Variants in USP42 observed in about 807,000 individuals in gnomAD.
USP42 encodes ubiquitin carboxyl-terminal hydrolase 42.
Under a neutral mutation model 113.0 loss-of-function variants are expected in USP42, and 23 were observed. The observed-to-expected ratio is 0.20, with a 90% confidence interval of 0.15 to 0.29. The LOEUF (loss-of-function observed/expected upper bound fraction) is 0.29. Ranked by LOEUF, USP42 falls within the 10% of genes least tolerant of loss-of-function variation. The pLI, the probability that USP42 is intolerant of heterozygous loss-of-function variation, is 1.00. For missense variants in USP42, 2,174 were observed against 1,779.8 expected (o/e 1.22, Z -3.99); for synonymous variants, 933 against 699.0 (o/e 1.33, Z -5.28).
At chr7:6,138,358 G>A (rs1781260089) in intron 4 of USP42, among the ~76,000 whole-genome samples, 1 of 152,166 alleles carries the variant, frequency 6.6e-6, no homozygotes, top group African/African-American at 2.4e-5. Context: ...GTAGGTCATT[G>A]GGATAGAATT....
intron 9 of USP42, 116 bp downstream of exon 9, chr7:6,144,312 C>G: frequency 3.0e-6 from 2 of 661,100 alleles, no homozygotes; most frequent in East Asian, 3.3e-5. Context: ...CTAACTATTA[C>G]CTACATTTGG....
intron 2 of USP42, among the ~76,000 whole-genome samples, chr7:6,113,769 CT>C (rs1779730735): frequency 6.6e-6 from 1 of 152,164 alleles, no homozygotes; most frequent in South Asian, 2.1e-4. Flanking sequence ...CTACAGGTGC[CT>C]GCCACCACAC....
rs749484476 is a variant in USP42, at chr7:6,149,908, C to T, written c.1712C>T (p.Thr571Met). Residue 571 changes from threonine (T) to methionine (M), a missense_variant, in exon 13 of 18, where the codon ACG becomes ATG. Physicochemically the swap from Thr to Met is moderately conservative, Grantham distance 81. Transcript: ENST00000306177. Reference sequence around the variant, plus strand: ...GTACAGTCTACCTCGAACGCATCTACGATGTCAGTTTCTAGTAAAGTAACA... The same window carrying T: ...GTACAGTCTACCTCGAACGCATCTATGATGTCAGTTTCTAGTAAAGTAACA... ...SAVQSTSNAS[T>M]MSVSSKVTKP... 1.1e-5 allele frequency: 18 copies of T among 1,613,916 alleles called. No individual in the cohort carries two copies. Among genetic ancestry groups the T allele is most frequent in the Non-Finnish European group, 1.4e-5 (16 of 1,179,904 alleles).
At chr7:6,147,135 C>T (rs1347273495) in intron 11 of USP42, among the ~76,000 whole-genome samples, 2 of 151,858 alleles carry the variant, frequency 1.3e-5, no homozygotes, top group Non-Finnish European at 2.9e-5. Flanking sequence ...CATTGGATTT[C>T]GGCAGTTGGG....
intron 3 of USP42, among the ~76,000 whole-genome samples, chr7:6,123,106 C>G (rs932703004): frequency 6.6e-6 from 1 of 152,040 alleles, no homozygotes; most frequent in African/African-American, 2.4e-5. Context: ...GATTATAGGT[C>G]TGAGCCACTG....
rs1465234390 is a variant in USP42 at position 6,105,006 on chromosome 7, G to C, written c.-36G>C. ...GGCGGCGGCGGCGGCGGCCGAGGGGGATGGAGCGAGCGCCGAGCCGGGTCA... is the reference window on the plus strand; with the variant it reads ...GGCGGCGGCGGCGGCGGCCGAGGGGCATGGAGCGAGCGCCGAGCCGGGTCA... On this transcript the variant is annotated 5_prime_UTR_variant, in exon 1 of 18. Coordinates refer to ENST00000306177, the MANE Select transcript of USP42 (RefSeq NM_032172.3). 1 of 154,432 alleles carries C rather than the reference G, an allele frequency of 6.5e-6. No individual in the cohort carries two copies. Among genetic ancestry groups the C allele is most frequent in the Non-Finnish European group, 1.4e-5 (1 of 71,160 alleles). 9.6% of individuals were successfully genotyped at this position (154,432 alleles called of 1,614,324 possible).
chr7:6,160,338 C>T (rs377566217), intron 17 of USP42, among the ~76,000 whole-genome samples: 15 of 152,206 alleles, frequency 9.9e-5, no homozygotes, highest in African/African-American at 2.6e-4. Context: ...GCATCTGGGG[C>T]GGGTGGTGGC....
chr7:6,116,158 G>A, intron 3 of USP42, among the ~76,000 whole-genome samples: 1 of 149,296 alleles, frequency 6.7e-6, no homozygotes, highest in South Asian at 2.1e-4. Flanking sequence ...GCGAGGTTAA[G>A]AAATCCTGCC....
intron 7 of USP42, among the ~76,000 whole-genome samples, chr7:6,142,514 C>G (rs1053373559): frequency 2.6e-5 from 4 of 152,154 alleles, no homozygotes; most frequent in African/African-American, 9.7e-5. Context: ...CCACGCCCGC[C>G]CGGAAAATTT....
rs772338459 is a variant in USP42, at chr7:6,134,981, G to A, written c.443-860G>A. On this transcript the variant is annotated intron_variant, in intron 3 of 17. Coordinates refer to ENST00000306177, the MANE Select transcript of USP42 (RefSeq NM_032172.3). ...TTCTTTTTATTTTTTGTAGAGACAG[G>A]GTTTGACCATGTTGCCCAGGCTAGT... Among the ~76,000 whole-genome samples the A allele has an allele frequency of 4.6e-5, 7 of 152,018 alleles. No individual in the cohort carries two copies. In the South Asian group the frequency reaches 8.3e-4, roughly 18 times the overall value.
At chr7:6,096,858 C>T in the USP42 span, among the ~76,000 whole-genome samples, 8 of 151,202 alleles carry the variant, frequency 5.3e-5, no homozygotes, top group African/African-American at 2.0e-4. Context: ...TCATGCCCAC[C>T]TTCTGCTGCG....
At position 6,139,222 on chromosome 7, in the gene USP42, C is replaced by G. The variant is rs529294906; in HGVS notation, c.656+28C>G. 364 of 1,485,518 alleles carry G rather than the reference C, an allele frequency of 2.5e-4. 4 individuals carry two copies. The South Asian group carries it at 4.0e-3, about 16-fold the overall frequency. 92.0% of individuals were successfully genotyped at this position (1,485,518 alleles called of 1,614,324 possible). A position where few individuals can be genotyped will look rare whatever the true frequency, so the allele number is the denominator to read the frequency against. On this transcript the variant is annotated intron_variant, in intron 5 of 17. Coordinates refer to ENST00000306177, the MANE Select transcript of USP42 (RefSeq NM_032172.3). The surrounding 1 kb of genome is among the most constrained non-coding windows in gnomAD (Gnocchi z 4.5). ...AAGTACAACAGAGCGCCAGCCATGT[C>G]TTCATTGGGGATCTCTGGTTGTAGT...
At chr7:6,114,239 A>C (rs983928824) in intron 2 of USP42, among the ~76,000 whole-genome samples, 9 of 152,148 alleles carry the variant, frequency 5.9e-5, no homozygotes, top group Non-Finnish European at 1.2e-4. Flanking sequence ...CCTACATGAG[A>C]TGGTAAGGAC....
intron 3 of USP42, among the ~76,000 whole-genome samples, chr7:6,121,710 G>T (rs1240044060): frequency 6.6e-6 from 1 of 152,088 alleles, no homozygotes; most frequent in African/African-American, 2.4e-5. Context: ...TTTTGCCCAG[G>T]CTGGAGTACA....
rs1782283968 is a variant in USP42 at position 6,154,406 on chromosome 7, G to A, written c.2852G>A (p.Gly951Asp). The change falls in exon 15 of 18, where the codon GGC (glycine) becomes GAC (aspartate). Residue 951 changes from glycine to aspartate, a missense_variant. By Grantham distance (94) the Gly-to-Asp change is moderately conservative. Coordinates refer to ENST00000306177, the MANE Select transcript of USP42 (RefSeq NM_032172.3). ...KIGSLRKVDR[G>D]HYRSRRERSS... ...GGCAGCCTCAGAAAGGTGGACCGAGGCCACTACCGCAGCCGGAGAGAGCGC... is the reference window on the plus strand; with the variant it reads ...GGCAGCCTCAGAAAGGTGGACCGAGACCACTACCGCAGCCGGAGAGAGCGC... The A allele has an allele frequency of 2.5e-6, 4 of 1,576,892 alleles. No individual in the cohort carries two copies. Among genetic ancestry groups the A allele is most frequent in the Non-Finnish European group, 8.6e-7 (1 of 1,163,102 alleles).
rs1782333863 is a variant in USP42 at position 6,154,820 on chromosome 7, A to G, written c.3266A>G (p.His1089Arg). The change falls in exon 15 of 18, where the codon CAC (histidine) becomes CGC (arginine). Residue 1089 changes from histidine to arginine, a missense_variant. Physicochemically the swap from His to Arg is conservative, Grantham distance 29. Coordinates refer to ENST00000306177, the MANE Select transcript of USP42 (RefSeq NM_032172.3). Reference protein sequence around the residue: ...GGREHERAGLHERPHKDHNRG... With the variant: ...GGREHERAGLRERPHKDHNRG... Reference sequence around the variant, plus strand: ...CGCGAGCACGAGCGGGCCGGGCTGCACGAGCGGCCGCACAAGGACCACAAC... The same window carrying G: ...CGCGAGCACGAGCGGGCCGGGCTGCGCGAGCGGCCGCACAAGGACCACAAC... The G allele has an allele frequency of 1.3e-6, 2 of 1,542,998 alleles. No individual in the cohort carries two copies. Among genetic ancestry groups the G allele is most frequent in the East Asian group, 2.5e-5 (1 of 40,436 alleles).
At chr7:6,123,055 A>T (rs1306213953) in intron 3 of USP42, among the ~76,000 whole-genome samples, 1 of 145,326 alleles carries the variant, frequency 6.9e-6, no homozygotes, top group African/African-American at 2.6e-5. Flanking sequence ...CAAACTCCTG[A>T]CCTCAGGTGA....
At position 6,132,936 on chromosome 7, in the gene USP42, G is replaced by C. The variant is rs536406131; in HGVS notation, c.443-2905G>C. On this transcript the variant is annotated intron_variant, in intron 3 of 17. Transcript: ENST00000306177. ...TCTGCCCATCTTGGTCTCCCAAAGT[G>C]CTGGGATTACAGGCGTGAGCCACTG... Among the ~76,000 whole-genome samples, 6 of 152,324 alleles carry C rather than the reference G, an allele frequency of 3.9e-5. No individual in the cohort carries two copies. The South Asian group carries it at 1.2e-3, about 32-fold the overall frequency.
chr7:6,150,705 T>A (rs1340147509), intron 14 of USP42, among the ~76,000 whole-genome samples, 199 bp downstream of exon 14: 1 of 152,166 alleles, frequency 6.6e-6, no homozygotes, highest in African/African-American at 2.4e-5. Context: ...CAGGACTGAG[T>A]CCACGGAAAC....
Sources: allele counts gnomAD v4.1 joint callset (sites outside exome capture counted in the v4.1 genomes callset), GRCh38; gene constraint gnomAD v4.1.1; non-coding constraint Gnocchi (gnomAD v3.1); transcripts MANE v1.5; gene names NCBI Gene and HGNC (gene_info 2026-07-23, HGNC 2026-07-21).